TCF20: variants seen among roughly 807,000 people sequenced by gnomAD.
TCF20 encodes transcription factor 20.
A neutral mutation model predicts 148.6 loss-of-function variants in TCF20; 3 were observed. The observed-to-expected ratio is 0.02, with a 90% CI of 0.01 to 0.05. TCF20 has a LOEUF of 0.05. Among genes scored for constraint, TCF20 ranks in the 10% least tolerant of loss-of-function variants. The pLI is 1.00. For synonymous variants in TCF20, 1,049 were observed against 909.5 expected (o/e 1.15, Z -2.76); for missense variants, 2,350 against 2,429.3 (o/e 0.97, Z 0.69).
At chr22:42,285,247 G>T (rs1262199848), upstream of TCF20, among the ~76,000 whole-genome samples, 1 of 152,008 alleles carries the variant, frequency 6.6e-6, no homozygotes, top group East Asian at 1.9e-4. This position sits in a 1 kb window ranked among gnomAD's most constrained non-coding sequence, Gnocchi z 4.2. Flanking sequence ...TCTGTGCCTG[G>T]CACCTGGTGA....
At chr22:42,253,805 T>C (rs1444876158) in intron 1 of TCF20, among the ~76,000 whole-genome samples, 1 of 152,152 alleles carries the variant, frequency 6.6e-6, no homozygotes, top group African/African-American at 2.4e-5. Flanking sequence ...AGGCCGGGCA[T>C]GGTGGCTCAT....
upstream of TCF20, among the ~76,000 whole-genome samples, chr22:42,275,606 C>T (rs578136834): frequency 2.0e-5 from 3 of 152,274 alleles, no homozygotes; most frequent in East Asian, 5.8e-4. Flanking sequence ...GGGGAGTCGG[C>T]GCCCTTACCT....
chr22:42,312,737 G>A (rs1231467094), intron 1 of TCF20, among the ~76,000 whole-genome samples: 4 of 152,144 alleles, frequency 2.6e-5, no homozygotes, highest in African/African-American at 9.7e-5. Context: ...TCTGCAAGAT[G>A]TGACTGGTCA....
At position 42,213,339 on chromosome 22, in the gene TCF20, T is replaced by G; in HGVS notation, c.1967A>C (p.Glu656Ala). 1 of 1,614,184 alleles carries G rather than the reference T, an allele frequency of 6.2e-7. No individual in the cohort carries two copies. The change falls in exon 2 of 6, where the codon GAG becomes GCG. Residue 656 changes from glutamate to alanine, a missense_variant. By Grantham distance (107) the Glu-to-Ala change is moderately radical. Around this residue, in one of 7 missense-constraint regions of TCF20, gnomAD observed 1,641 missense variants for 1,662.6 expected, o/e 0.99. Coordinates refer to ENST00000677622, the MANE Select transcript of TCF20 (RefSeq NM_001378418.1). ...ETSHASLPQP[E>A]PPGGGGSKGN... ...TTTGCTCCCTCCTCCTCCTGGAGGC[T>G]CTGGCTGGGGAAGTGATGCATGACT... is the stretch of plus-strand genomic sequence containing the variant.
intron 1 of TCF20, among the ~76,000 whole-genome samples, chr22:42,327,857 C>T (rs1447388806): frequency 6.6e-6 from 1 of 151,442 alleles, no homozygotes; most frequent in Non-Finnish European, 1.5e-5. Context: ...TCAAAAAACA[C>T]AGGTTGCCTT....
At chr22:42,166,594 G>C (rs1935802371) in intron 5 of TCF20, among the ~76,000 whole-genome samples, 1 of 146,966 alleles carries the variant, frequency 6.8e-6, no homozygotes, top group Admixed American at 6.7e-5. Flanking sequence ...GGGCGACAAA[G>C]TGAGAATCCG....
intron 1 of TCF20, chr22:42,276,819 G>A (rs879553632): frequency 5.3e-5 from 8 of 152,100 alleles, no homozygotes; most frequent in Non-Finnish European, 1.0e-4. Context: ...GCAAAATCAC[G>A]TTTGATTCCA....
intron 1 of TCF20, among the ~76,000 whole-genome samples, chr22:42,266,773 C>T (rs531392673): frequency 8.5e-5 from 13 of 152,128 alleles, no homozygotes; most frequent in African/African-American, 2.2e-4. Flanking sequence ...AGCGAGACTC[C>T]GTCTCAAAAC....
At chr22:42,201,506 G>C (rs1277422756) in intron 2 of TCF20, among the ~76,000 whole-genome samples, 8 of 152,192 alleles carry the variant, frequency 5.3e-5, no homozygotes, top group Non-Finnish European at 1.2e-4. Context: ...GGTGGCTCAT[G>C]CCTGTAATCC....
intron 3 of TCF20, among the ~76,000 whole-genome samples, chr22:42,178,825 G>A (rs761478429): frequency 8.6e-5 from 13 of 151,016 alleles, no homozygotes; most frequent in African/African-American, 2.9e-4. Context: ...TGATCCACCC[G>A]CCCGGCCTAC....
At chr22:42,310,648 C>G (rs977899820) in intron 1 of TCF20, among the ~76,000 whole-genome samples, 1 of 152,114 alleles carries the variant, frequency 6.6e-6, no homozygotes, top group Non-Finnish European at 1.5e-5. Context: ...AGAGGACTGG[C>G]GTGGCAATGG....
intron 1 of TCF20, among the ~76,000 whole-genome samples, chr22:42,238,071 C>T (rs1924040119): frequency 6.6e-6 from 1 of 152,190 alleles, no homozygotes; most frequent in African/African-American, 2.4e-5. Flanking sequence ...TTATGGAAGT[C>T]CTAGATGGCA....
intron 5 of TCF20, among the ~76,000 whole-genome samples, chr22:42,168,309 G>T (rs1032931276): frequency 6.6e-6 from 1 of 152,122 alleles, no homozygotes; most frequent in Non-Finnish European, 1.5e-5. Context: ...CCAAGAAAGA[G>T]ACCTAAAAGC....
intron 2 of TCF20, among the ~76,000 whole-genome samples, chr22:42,189,919 G>A (rs554631525): frequency 6.6e-6 from 1 of 152,318 alleles, no homozygotes; most frequent in South Asian, 2.1e-4. Flanking sequence ...AGAGAAAGCT[G>A]GGGCGGAGAG....
intron 1 of TCF20, among the ~76,000 whole-genome samples, chr22:42,267,807 C>G (rs1229219543): frequency 6.6e-6 from 1 of 152,094 alleles, no homozygotes; most frequent in African/African-American, 2.4e-5. Flanking sequence ...GCACTCTGCC[C>G]CTATGCTGGG....
At chr22:42,217,571 G>A (rs957958796) in intron 1 of TCF20, among the ~76,000 whole-genome samples, 9 of 152,184 alleles carry the variant, frequency 5.9e-5, no homozygotes, top group Non-Finnish European at 8.8e-5. Flanking sequence ...TCATCACACC[G>A]GAGTCTGTGT....
intron 5 of TCF20, among the ~76,000 whole-genome samples, chr22:42,167,515 G>A (rs1309249856): frequency 6.8e-6 from 1 of 146,476 alleles, no homozygotes; most frequent in Non-Finnish European, 1.5e-5. Context: ...GTGCCACAAG[G>A]TACATTTTGG....
At position 42,210,843 on chromosome 22, in the gene TCF20, G is replaced by C. The variant is rs764945164; in HGVS notation, c.4463C>G (p.Pro1488Arg). The C allele has an allele frequency of 1.2e-6, 2 of 1,614,192 alleles. No individual in the cohort carries two copies. The highest frequency in any genetic ancestry group is 1.7e-6 in the Non-Finnish European group (2 of 1,180,038). Reference protein sequence around the residue: ...RPDGSLGGTAPLIFPDSKNVP... With the variant: ...RPDGSLGGTARLIFPDSKNVP... The stretch of plus-strand genomic sequence containing the variant: ...ATTCTTTGAGTCTGGAAAGATTAAA[G>C]GTGCTGTTCCACCCAGGGAACCATC... Residue 1488 changes from proline (P) to arginine (R), a missense_variant, in exon 2 of 6, where the codon CCT becomes CGT. By Grantham distance (103) the Pro-to-Arg change is moderately radical. Coordinates refer to ENST00000677622, the MANE Select transcript of TCF20 (RefSeq NM_001378418.1). The surrounding 1 kb of genome is among the most constrained non-coding windows in gnomAD (Gnocchi z 4.7).
Position 42,168,746 on chromosome 22 carries a change from G to T in TCF20, c.5800-10C>A. On this transcript the variant is annotated splice_polypyrimidine_tract_variant and intron_variant, in intron 4 of 5. Transcript: ENST00000677622. ...GGCACGGAAGGGGAGGCTGACACGG[G>T]CAAAACCAAGAGGAGACAGACAGGT... 1 of 1,604,072 alleles carries T rather than the reference G, an allele frequency of 6.2e-7. No homozygotes were observed.
Sources: gnomAD v4.1 joint callset for allele counts (sites outside exome capture counted in the v4.1 genomes callset) on GRCh38, gnomAD v4.1.1 for gene constraint, gnomAD v4.1.1 regional missense constraint, Gnocchi (gnomAD v3.1) non-coding constraint, MANE v1.5 for transcripts, NCBI Gene and HGNC (gene_info 2026-07-23, HGNC 2026-07-21) for gene names.